LHFPL6: variants seen among roughly 807,000 people sequenced by gnomAD.
The protein encoded by LHFPL6 is LHFPL tetraspan subfamily member 6.
A neutral mutation model predicts 20.6 loss-of-function variants in LHFPL6; 9 were observed. That is an observed-to-expected ratio of 0.44 (90% CI 0.26 to 0.76). The LOEUF (loss-of-function observed/expected upper bound fraction) is 0.76, where lower values mean the gene tolerates loss of function less well. Ranked by LOEUF, LHFPL6 falls within the 30% of genes least tolerant of loss-of-function variation. The pLI is 0.20. For synonymous variants in LHFPL6, 105 were observed against 98.7 expected (o/e 1.06, Z -0.38); for missense variants, 218 against 253.5 (o/e 0.86, Z 0.95).
intron 2 of LHFPL6, among the ~76,000 whole-genome samples, chr13:39,596,646 G>T (rs1267301113): frequency 1.4e-5 from 1 of 73,640 alleles, no homozygotes; most frequent in African/African-American, 6.0e-5. Flanking sequence ...TAATCTATAA[G>T]GCATAATTTA....
rs58955444 is a variant in LHFPL6, at chr13:39,459,194, ATGTGTGTGTGTG to A, written c.386-80680_386-80669del. Among the ~76,000 whole-genome samples, 445 of 136,070 alleles carry A rather than the reference ATGTGTGTGTGTG, an allele frequency of 3.3e-3. 4 individuals carry two copies. Among genetic ancestry groups the A allele is most frequent in the African/African-American group, 9.4e-3 (343 of 36,342 alleles). The allele number at this position is 136,070 out of a possible 152,430, so 89.3% of individuals were successfully genotyped here. A position where few individuals can be genotyped will look rare whatever the true frequency, so the allele number is the denominator to read the frequency against. Reference sequence around the variant, plus strand: ...CAGTAATAGCTGGACAAGTTCCTTAATGTGTGTGTGTGTGTGTGTGTGTGTGTGTGTGTGTGT... The same window carrying A: ...CAGTAATAGCTGGACAAGTTCCTTAATGTGTGTGTGTGTGTGTGTGTGTGT... On this transcript the variant is annotated intron_variant, in intron 2 of 3. Coordinates refer to ENST00000379589, the MANE Select transcript of LHFPL6 (RefSeq NM_005780.3).
chr13:39,352,922 T>C (rs1310491085), intron 3 of LHFPL6, among the ~76,000 whole-genome samples: 36 of 54,684 alleles, frequency 6.6e-4, no homozygotes, highest in African/African-American at 1.1e-3. Context: ...TATATATATA[T>C]AAATGTATAT....
At chr13:39,442,025 TACC>T (rs892187479) in intron 2 of LHFPL6, among the ~76,000 whole-genome samples, 1 of 151,762 alleles carries the variant, frequency 6.6e-6, no homozygotes, top group Admixed American at 6.6e-5. Context: ...GACAGGGTTT[TACC>T]ACGTTAGCCA....
chr13:39,598,426 C>T (rs1344758964), intron 2 of LHFPL6, among the ~76,000 whole-genome samples: 1 of 151,764 alleles, frequency 6.6e-6, no homozygotes, highest in Non-Finnish European at 1.5e-5. Context: ...TTACTTGTGC[C>T]CTCGAGAGGT....
chr13:39,457,596 T>G (rs1340363909), intron 2 of LHFPL6, among the ~76,000 whole-genome samples: 1 of 152,186 alleles, frequency 6.6e-6, no homozygotes, highest in Non-Finnish European at 1.5e-5. Context: ...AAAGGTACAT[T>G]TACCATATGA....
At chr13:39,560,708 G>A (rs1871450894) in intron 2 of LHFPL6, among the ~76,000 whole-genome samples, 1 of 151,618 alleles carries the variant, frequency 6.6e-6, no homozygotes, top group African/African-American at 2.4e-5. Flanking sequence ...TAGTAGAGAC[G>A]GTTTCACCGT....
At chr13:39,445,333 G>A (rs967259416) in intron 2 of LHFPL6, among the ~76,000 whole-genome samples, 1 of 152,140 alleles carries the variant, frequency 6.6e-6, no homozygotes, top group Admixed American at 6.5e-5. Context: ...ACATGAATTT[G>A]GGGCTTTAAC....
At chr13:39,596,536 C>T (rs1593378997) in intron 2 of LHFPL6, among the ~76,000 whole-genome samples, 2 of 152,164 alleles carry the variant, frequency 1.3e-5, no homozygotes, top group South Asian at 2.1e-4. Context: ...CTGATGCATA[C>T]TAGAGTTTAA....
intron 2 of LHFPL6, among the ~76,000 whole-genome samples, chr13:39,483,483 ATTTTTTTTTT>A (rs34041103): frequency 7.3e-6 from 1 of 137,872 alleles, no homozygotes; most frequent in Admixed American, 7.2e-5. Context: ...CCTCATTACA[ATTTTTTTTTT>A]TTTTTTTTTT....
At chr13:39,403,500 C>T (rs1871041738) in intron 2 of LHFPL6, among the ~76,000 whole-genome samples, 1 of 152,134 alleles carries the variant, frequency 6.6e-6, no homozygotes, top group South Asian at 2.1e-4. Flanking sequence ...TTTACACTTT[C>T]ATGTTCAGGA....
intron 2 of LHFPL6, among the ~76,000 whole-genome samples, chr13:39,424,717 G>A (rs932771470): frequency 2.0e-5 from 3 of 152,086 alleles, no homozygotes; most frequent in Non-Finnish European, 2.9e-5. Context: ...TAATTTCAGA[G>A]ATCTGGAATC....
chr13:39,544,341 C>T (rs1870905562), intron 2 of LHFPL6, among the ~76,000 whole-genome samples: 1 of 152,170 alleles, frequency 6.6e-6, no homozygotes, highest in Non-Finnish European at 1.5e-5. Flanking sequence ...GAAATTAGCT[C>T]ATTTGACACC....
chr13:39,485,676 G>T (rs1386216544), intron 2 of LHFPL6, among the ~76,000 whole-genome samples: 2 of 152,102 alleles, frequency 1.3e-5, no homozygotes, highest in African/African-American at 2.4e-5. Flanking sequence ...AGGCAGCTAT[G>T]AAAATAAGTA....
chr13:39,405,684 C>T (rs1241174685), intron 2 of LHFPL6, among the ~76,000 whole-genome samples: 1 of 152,180 alleles, frequency 6.6e-6, no homozygotes, highest in African/African-American at 2.4e-5. Flanking sequence ...GTCATACAAA[C>T]AAACAGACCA....
chr13:39,473,664 A>G (rs1389927004), intron 2 of LHFPL6, among the ~76,000 whole-genome samples: 1 of 152,212 alleles, frequency 6.6e-6, no homozygotes, highest in Non-Finnish European at 1.5e-5. Context: ...CAGTTTCTAC[A>G]GAAGTCCTAC....
chr13:39,546,910 C>T (rs1870998189), intron 2 of LHFPL6, among the ~76,000 whole-genome samples: 1 of 152,052 alleles, frequency 6.6e-6, no homozygotes, highest in Non-Finnish European at 1.5e-5. Context: ...TGCTTAGCAC[C>T]CTTCAGCAAA....
At chr13:39,480,878 T>C (rs1868487082) in intron 2 of LHFPL6, among the ~76,000 whole-genome samples, 1 of 152,190 alleles carries the variant, frequency 6.6e-6, no homozygotes. Flanking sequence ...CAGTATTTAA[T>C]ATTGAAAAAC....
intron 2 of LHFPL6, among the ~76,000 whole-genome samples, chr13:39,473,298 C>T (rs759269093): frequency 1.3e-4 from 19 of 149,996 alleles, no homozygotes; most frequent in Non-Finnish European, 2.4e-4. Context: ...CAGAGAAATG[C>T]CCATTTATTC....
chr13:39,451,418 T>C (rs1464643920), intron 2 of LHFPL6, among the ~76,000 whole-genome samples: 2 of 152,226 alleles, frequency 1.3e-5, no homozygotes, highest in Non-Finnish European at 2.9e-5. Flanking sequence ...TTTCAGAAGA[T>C]CAGGGTTTAT....
Sources: gnomAD v4.1 joint callset for allele counts (sites outside exome capture counted in the v4.1 genomes callset) on GRCh38, gnomAD v4.1.1 for gene constraint, MANE v1.5 for transcripts, NCBI Gene and HGNC (gene_info 2026-07-23, HGNC 2026-07-21) for gene names.